The following NIBAN1 variants were observed in gnomAD, a reference collection of about 807,000 sequenced individuals.
NIBAN1 encodes niban apoptosis regulator 1.
In NIBAN1, 81 loss-of-function variants were observed where a neutral mutation model predicts 75.1. That is an observed-to-expected ratio of 1.08 (90% CI 0.90 to 1.30). NIBAN1 has a LOEUF of 1.30. Among genes scored for constraint, NIBAN1 ranks in the 50% most tolerant of loss-of-function variants. The pLI, the probability that NIBAN1 is intolerant of heterozygous loss-of-function variation, is 0.00. For missense variants in NIBAN1, 1,133 were observed against 1,128.1 expected, an observed-to-expected ratio of 1.00 and a Z score of -0.06; for synonymous variants, 436 against 424.8, an observed-to-expected ratio of 1.03 and a Z score of -0.32.
intron 1 of NIBAN1, among the ~76,000 whole-genome samples, chr1:184,938,509 GT>G (rs1658015893): frequency 1.3e-5 from 2 of 149,456 alleles, no homozygotes; most frequent in South Asian, 4.3e-4. Flanking sequence ...CTCTTTCTGT[GT>G]TTTCTTCTTT....
chr1:184,939,493 G>A (rs966583919), intron 1 of NIBAN1, among the ~76,000 whole-genome samples: 1 of 152,108 alleles, frequency 6.6e-6, no homozygotes, highest in African/African-American at 2.4e-5. Flanking sequence ...CTCCCTTTGA[G>A]AAGCCTTCTC....
intron 1 of NIBAN1, among the ~76,000 whole-genome samples, chr1:184,909,174 A>G (rs234670): frequency 0.43 from 65,360 of 152,010 alleles, 14,181 homozygotes; most frequent in East Asian, 0.54. Flanking sequence ...TGAACACAAC[A>G]TGCACATTAA....
chr1:184,891,101 C>T (rs1202071749), intron 3 of NIBAN1, among the ~76,000 whole-genome samples: 1 of 152,164 alleles, frequency 6.6e-6, no homozygotes, highest in Non-Finnish European at 1.5e-5. Context: ...AACGATAACA[C>T]GTTCTGCAGC....
At position 184,890,196 on chromosome 1, in the gene NIBAN1, T is replaced by C. The variant is rs1440791298; in HGVS notation, c.345A>G (p.Lys115=). 6.2e-7 allele frequency: 1 copy of C among 1,613,732 alleles called. No homozygotes were observed. The highest frequency in any genetic ancestry group is 1.3e-5 in the African/African-American group (1 of 74,878). The change falls in exon 4 of 14, where the codon AAA becomes AAG. Residue 115 remains lysine, a synonymous_variant. Transcript: ENST00000367511. ...KEAYQRGAAP[K]CRILPAGGKV... ...TGCCACCGGCTGGAAGAATTCGACA[T>C]TTAGGAGCAGCTCCTCTCTGATAGG...
chr1:184,896,940 G>A (rs544174977), intron 2 of NIBAN1, among the ~76,000 whole-genome samples: 1 of 152,186 alleles, frequency 6.6e-6, no homozygotes, highest in South Asian at 2.1e-4. Context: ...GATTTAGTTA[G>A]TATAGCCTTG....
chr1:184,902,246 A>T (rs1656974239), intron 1 of NIBAN1, among the ~76,000 whole-genome samples: 1 of 152,132 alleles, frequency 6.6e-6, no homozygotes, highest in Admixed American at 6.5e-5. Flanking sequence ...TTTAAAAAAA[A>T]ATAGTCTGAT....
chr1:184,833,899 T>G (rs995389090), intron 5 of NIBAN1, among the ~76,000 whole-genome samples: 3 of 151,956 alleles, frequency 2.0e-5, no homozygotes, highest in Non-Finnish European at 2.9e-5. Flanking sequence ...AGGGTACATG[T>G]GCACAATGTG....
chr1:184,911,068 C>T (rs964614707), intron 1 of NIBAN1, among the ~76,000 whole-genome samples: 1 of 151,698 alleles, frequency 6.6e-6, no homozygotes, highest in Non-Finnish European at 1.5e-5. Context: ...CAAATACACA[C>T]ACACACACAC....
chr1:184,965,098 G>A (rs1056502400), intron 1 of NIBAN1, among the ~76,000 whole-genome samples: 3 of 152,178 alleles, frequency 2.0e-5, no homozygotes, highest in Non-Finnish European at 2.9e-5. Context: ...AGGAGATCGA[G>A]AACATCCTGG....
chr1:184,931,068 C>T (rs1328386179), intron 1 of NIBAN1, among the ~76,000 whole-genome samples: 3 of 142,770 alleles, frequency 2.1e-5, no homozygotes, highest in Non-Finnish European at 4.5e-5. Context: ...GGCACTGTGT[C>T]GGCTCACTGC....
rs10911660 is a variant in NIBAN1, at chr1:184,949,262, G to A, written c.55+25040C>T. On this transcript the variant is annotated intron_variant, in intron 1 of 13. Coordinates refer to ENST00000367511, the MANE Select transcript of NIBAN1 (RefSeq NM_052966.4). ...AGTCCCAGCTACGTGGGAGGCTGAGGCAGGAGAATGGCATGAACCCGGGAG... is the reference window on the plus strand; with the variant it reads ...AGTCCCAGCTACGTGGGAGGCTGAGACAGGAGAATGGCATGAACCCGGGAG... Among the ~76,000 whole-genome samples the A allele has an allele frequency of 4.4e-3, 673 of 152,324 alleles. 8 individuals carry two copies. In the East Asian group the frequency reaches 0.044, roughly 10 times the overall value.
intron 6 of NIBAN1, among the ~76,000 whole-genome samples, chr1:184,829,462 T>C (rs10797990): frequency 0.65 from 87,750 of 135,682 alleles, 29,612 homozygotes; most frequent in Middle Eastern, 0.76. Flanking sequence ...AATACATATA[T>C]TCTTTTTTTT....
chr1:184,858,860 A>C (rs1347070645), intron 5 of NIBAN1, among the ~76,000 whole-genome samples: 1 of 152,198 alleles, frequency 6.6e-6, no homozygotes, highest in African/African-American at 2.4e-5. Context: ...TAAAGGAGTT[A>C]AAACAGTATC....
intron 1 of NIBAN1, among the ~76,000 whole-genome samples, chr1:184,937,140 G>A (rs914419718): frequency 2.1e-5 from 3 of 141,546 alleles, no homozygotes; most frequent in Admixed American, 1.5e-4. Context: ...GTTAATAGCT[G>A]GATTCTTTTT....
At chr1:184,812,114 C>G (rs578188760) in intron 9 of NIBAN1, among the ~76,000 whole-genome samples, 1 of 152,272 alleles carries the variant, frequency 6.6e-6, no homozygotes, top group Admixed American at 6.5e-5. Context: ...GAGCTCTTCA[C>G]CTTATGCACC....
chr1:184,887,576 A>G (rs760851376), intron 4 of NIBAN1, among the ~76,000 whole-genome samples: 1 of 151,998 alleles, frequency 6.6e-6, no homozygotes, highest in Non-Finnish European at 1.5e-5. Flanking sequence ...TCTCCTCCCT[A>G]TTATCTGGAA....
intron 5 of NIBAN1, among the ~76,000 whole-genome samples, chr1:184,842,458 ATCAC>A (rs1231548024): frequency 6.6e-6 from 1 of 152,124 alleles, no homozygotes; most frequent in Non-Finnish European, 1.5e-5. Flanking sequence ...TCAAATCAGA[ATCAC>A]TTGTGGTAAG....
rs938316679 is a variant in NIBAN1 at position 184,937,155 on chromosome 1, T to C, written c.55+37147A>G. 3.3e-3 allele frequency among the ~76,000 whole-genome samples: 491 copies of C among 148,138 alleles called. 3 individuals carry two copies. The highest frequency in any genetic ancestry group is 0.012 in the African/African-American group (473 of 40,232). ...GTTAATAGCTGGATTCTTTTTTTTT[T>C]TTTTTTTTTTTTTGAGAGACAGGTT... On this transcript the variant is annotated intron_variant, in intron 1 of 13. Transcript: ENST00000367511.
intron 5 of NIBAN1, among the ~76,000 whole-genome samples, chr1:184,872,554 A>G (rs1448956745): frequency 6.6e-6 from 1 of 152,104 alleles, no homozygotes; most frequent in Non-Finnish European, 1.5e-5. Context: ...AAAAATACAA[A>G]AAATTAGCTG....
Sources: gnomAD v4.1 joint callset for allele counts (sites outside exome capture counted in the v4.1 genomes callset) on GRCh38, gnomAD v4.1.1 for gene constraint, MANE v1.5 for transcripts, NCBI Gene and HGNC (gene_info 2026-07-23, HGNC 2026-07-21) for gene names.